Variants in TM9SF2 observed in about 807,000 individuals in gnomAD.
TM9SF2 encodes the protein 76 kDa membrane protein.
Under a neutral mutation model 84.9 loss-of-function variants are expected in TM9SF2, and 13 were observed. That is an observed-to-expected ratio of 0.15 (90% confidence interval 0.10 to 0.24). The LOEUF is 0.24. Ranked by LOEUF, TM9SF2 falls within the 10% of genes least tolerant of loss-of-function variation. TM9SF2 has a pLI of 1.00. For missense variants in TM9SF2, 562 were observed against 818.5 expected (o/e 0.69, Z 3.82); for synonymous variants, 273 against 285.8 (o/e 0.96, Z 0.45).
chr13:99,550,435 T>C (rs2046300922), intron 12 of TM9SF2, among the ~76,000 whole-genome samples: 1 of 152,246 alleles, frequency 6.6e-6, no homozygotes, highest in Non-Finnish European at 1.5e-5. Flanking sequence ...TTTCTCTGTA[T>C]TGTCTAACAT....
chr13:99,509,483 G>A (rs1010541101), intron 1 of TM9SF2, among the ~76,000 whole-genome samples: 7 of 152,188 alleles, frequency 4.6e-5, no homozygotes, highest in African/African-American at 7.2e-5. Context: ...AGCATTCTTC[G>A]CTCTTGAACT....
intron 9 of TM9SF2, among the ~76,000 whole-genome samples, chr13:99,543,398 G>T (rs975514215): frequency 6.6e-6 from 1 of 152,200 alleles, no homozygotes; most frequent in Non-Finnish European, 1.5e-5. Context: ...GTTTTAAACA[G>T]AGCCGAGCTT....
chr13:99,532,121 G>A (rs921562021), intron 4 of TM9SF2, among the ~76,000 whole-genome samples: 1 of 150,770 alleles, frequency 6.6e-6, no homozygotes, highest in African/African-American at 2.4e-5. Context: ...GCGCAATCTC[G>A]GCTCACTGCA....
chr13:99,547,126 TGGCG>T lies in TM9SF2; in HGVS notation c.1270+23_1270+26del. 3 of 1,613,432 alleles carry T rather than the reference TGGCG, an allele frequency of 1.9e-6. 1 individual carries two copies. In the South Asian group the frequency reaches 3.3e-5, roughly 18 times the overall value. ...AAGTGTAAGTCAAAGCCACTGTGAC[TGGCG>T]TCTGATCAGGAAGGGACTCTGCTGC... On this transcript the variant is annotated intron_variant, in intron 11 of 16. Coordinates refer to ENST00000376387, the MANE Select transcript of TM9SF2 (RefSeq NM_004800.3).
intron 15 of TM9SF2, 140 bp from the exon 16 acceptor site, chr13:99,559,223 A>G (rs2046335398): frequency 7.4e-6 from 5 of 677,120 alleles, no homozygotes; most frequent in South Asian, 3.0e-5. Flanking sequence ...GTGAAGTTCA[A>G]TAGGAGAAAG....
intron 10 of TM9SF2, among the ~76,000 whole-genome samples, chr13:99,546,156 G>A (rs2046281465): frequency 6.6e-6 from 1 of 152,154 alleles, no homozygotes; most frequent in South Asian, 2.1e-4. Flanking sequence ...TGTCAGAGGT[G>A]TGTGCGCGTG....
intron 4 of TM9SF2, among the ~76,000 whole-genome samples, chr13:99,534,838 G>T (rs2061368133): frequency 6.6e-6 from 1 of 152,068 alleles, no homozygotes; most frequent in South Asian, 2.1e-4. Flanking sequence ...TGTTAATTTA[G>T]GAAGACAGTA....
rs1280776851 is a variant in TM9SF2, at chr13:99,559,512, T to C, written c.1902T>C (p.Val634=). Residue 634 remains valine, a synonymous_variant, in exon 16 of 17, where the codon GTT becomes GTC. Transcript: ENST00000376387. ...ACTTTGGTTATACCATGATAATGGT[T>C]TTGATCTTCTTTCTTTTTACAGGTA... is the stretch of plus-strand genomic sequence containing the variant. ...ILYFGYTMIM[V]LIFFLFTGTI... 4 of 1,596,270 alleles carry C rather than the reference T, an allele frequency of 2.5e-6. No individual in the cohort carries two copies. Among genetic ancestry groups the C allele is most frequent in the Non-Finnish European group, 3.4e-6 (4 of 1,175,646 alleles).
chr13:99,542,718 A>G (rs1196094435), intron 9 of TM9SF2, among the ~76,000 whole-genome samples: 1 of 152,098 alleles, frequency 6.6e-6, no homozygotes. Flanking sequence ...TTTATGTCTT[A>G]TTAAATATTA....
intron 3 of TM9SF2, among the ~76,000 whole-genome samples, chr13:99,524,867 C>T (rs774978027): frequency 1.3e-5 from 2 of 151,606 alleles, no homozygotes; most frequent in Non-Finnish European, 1.5e-5. Context: ...CCTTGGGGCA[C>T]CTGGTTTTAT....
intron 13 of TM9SF2, among the ~76,000 whole-genome samples, chr13:99,553,836 A>G (rs1265422806): frequency 1.3e-5 from 2 of 152,268 alleles, no homozygotes; most frequent in Admixed American, 1.3e-4. Context: ...ACAGCCATTC[A>G]TTGTTGTTTT....
At chr13:99,544,105 A>G (rs2046272583) in intron 10 of TM9SF2, 110 bp downstream of exon 10, 2 of 1,283,304 alleles carry the variant, frequency 1.6e-6, no homozygotes, top group Admixed American at 2.3e-5. Context: ...TAATCCTAGC[A>G]CTTTGGGAGG....
rs113277733 is a variant in TM9SF2, at chr13:99,519,701, G to A, written c.240-335G>A. 3.0e-4 allele frequency: 53 copies of A among 175,510 alleles called. 1 individual carries two copies. Among genetic ancestry groups the A allele is most frequent in the Middle Eastern group, 2.7e-3 (1 of 370 alleles). 10.9% of individuals were successfully genotyped at this position (175,510 alleles called of 1,614,324 possible). A position where few individuals can be genotyped will look rare whatever the true frequency, so the allele number is the denominator to read the frequency against. ...GAATTAGATAATAGCAAGGAGATAAGTTATGCAAAATTTGCTTGAATAATA... is the reference window on the plus strand; with the variant it reads ...GAATTAGATAATAGCAAGGAGATAAATTATGCAAAATTTGCTTGAATAATA... On this transcript the variant is annotated intron_variant, in intron 2 of 16. Transcript: ENST00000376387.
At chr13:99,556,598 T>C (rs1426957288) in intron 15 of TM9SF2, among the ~76,000 whole-genome samples, 1 of 152,026 alleles carries the variant, frequency 6.6e-6, no homozygotes, top group South Asian at 2.1e-4. Context: ...TTCCTTTTTT[T>C]CTTGAGACGG....
intron 12 of TM9SF2, among the ~76,000 whole-genome samples, chr13:99,550,719 C>T (rs1220280267): frequency 6.6e-6 from 1 of 152,176 alleles, no homozygotes; most frequent in Non-Finnish European, 1.5e-5. Context: ...CATATAATTA[C>T]TGCAACAGAT....
chr13:99,556,776 C>G (rs939481355), intron 15 of TM9SF2, among the ~76,000 whole-genome samples: 1 of 151,878 alleles, frequency 6.6e-6, no homozygotes, highest in African/African-American at 2.4e-5. Flanking sequence ...TTGGTAGAGA[C>G]GGGGTTTCAC....
In TM9SF2 at chr13:99,547,123, G is replaced by GTC; in HGVS notation, c.1270+19_1270+20insTC. 1.9e-6 allele frequency: 3 copies of GTC among 1,613,482 alleles called. 1 individual carries two copies. The South Asian group carries it at 3.3e-5, about 18-fold the overall frequency. ...TATAAGTGTAAGTCAAAGCCACTGTGACTGGCGTCTGATCAGGAAGGGACT... is the reference window on the plus strand; with the variant it reads ...TATAAGTGTAAGTCAAAGCCACTGTGTCACTGGCGTCTGATCAGGAAGGGACT... On this transcript the variant is annotated intron_variant, in intron 11 of 16. Transcript: ENST00000376387.
At chr13:99,522,577 G>C (rs2046165448) in intron 3 of TM9SF2, among the ~76,000 whole-genome samples, 1 of 152,306 alleles carries the variant, frequency 6.6e-6, no homozygotes, top group Middle Eastern at 3.4e-3. Flanking sequence ...TTTCAGGCAT[G>C]CTTTTTAAAT....
intron 2 of TM9SF2, 31 bp from the exon 3 acceptor site, chr13:99,520,005 A>G (rs1425217498): frequency 5.6e-6 from 9 of 1,598,496 alleles, no homozygotes; most frequent in South Asian, 1.1e-5. Flanking sequence ...GTTCCCTTTT[A>G]TGTGTAAAAA....
Sources: gnomAD v4.1 joint callset for allele counts (sites outside exome capture counted in the v4.1 genomes callset) on GRCh38, gnomAD v4.1.1 for gene constraint, MANE v1.5 for transcripts, NCBI Gene and HGNC (gene_info 2026-07-23, HGNC 2026-07-21) for gene names.